GFI1: variants seen among roughly 807,000 people sequenced by gnomAD.
The protein encoded by GFI1 is growth factor independent 1 transcriptional repressor.
GFI1 carries 15 observed loss-of-function variants against 39.2 expected under a neutral mutation model. That is an observed-to-expected ratio of 0.38 (90% CI 0.26 to 0.59). The LOEUF is 0.59. Among genes scored for constraint, GFI1 ranks in the 20% least tolerant of loss-of-function variants. GFI1 has a pLI of 0.62. For synonymous variants in GFI1, 239 were observed against 254.3 expected, an observed-to-expected ratio of 0.94 and a Z score of 0.57; for missense variants, 475 against 574.0, an observed-to-expected ratio of 0.83 and a Z score of 1.76.
rs1160268765 is a variant in GFI1, at chr1:92,480,402, G to A, written c.870C>T (p.Gly290=). 1.3e-6 allele frequency: 2 copies of A among 1,550,408 alleles called. No homozygotes were observed. Among genetic ancestry groups the A allele is most frequent in the Non-Finnish European group, 1.7e-6 (2 of 1,146,682 alleles). ...GGCTCACCGCGTGCCCGAAGGTCTT[G>A]CCGCACATCTCGCAGGCAAAGGGTC... The part of the protein sequence containing the change: ...GTRPFACEMC[G]KTFGHAVSLE... Residue 290 remains glycine (G), a synonymous_variant, in exon 5 of 7, where the codon GGC becomes GGT. Coordinates refer to ENST00000294702, the MANE Select transcript of GFI1 (RefSeq NM_005263.5). The surrounding 1 kb of genome is among the most constrained non-coding windows in gnomAD (Gnocchi z 5.6).
intron 6 of GFI1, among the ~76,000 whole-genome samples, chr1:92,477,878 C>G (rs1658040495): frequency 6.6e-6 from 1 of 152,206 alleles, no homozygotes; most frequent in Admixed American, 6.5e-5. Context: ...CCTCATGACT[C>G]TGAACATAAA....
At chr1:92,485,129 C>G (rs1027893066) in intron 1 of GFI1, among the ~76,000 whole-genome samples, 3 of 152,336 alleles carry the variant, frequency 2.0e-5, no homozygotes, top group Admixed American at 6.5e-5. Flanking sequence ...AGAAAAGACG[C>G]CTGGGACGTG....
rs901564275 is a variant in GFI1, at chr1:92,481,272, G to A, written c.299-184C>T. Among the ~76,000 whole-genome samples, 1 of 152,234 alleles carries A rather than the reference G, an allele frequency of 6.6e-6. No individual in the cohort carries two copies. The highest frequency in any genetic ancestry group is 2.4e-5 in the African/African-American group (1 of 41,466). On this transcript the variant is annotated intron_variant, in intron 3 of 6. Transcript: ENST00000294702. The surrounding 1 kb of genome is among the most constrained non-coding windows in gnomAD (Gnocchi z 4.3). ...GTGGCCCGGGCCCTGGGGCCTCGCA[G>A]GCCACTATAGGAGGCAGAACAGTAA... is the stretch of plus-strand genomic sequence containing the variant.
chr1:92,483,687 CA>C (rs1293054107), intron 1 of GFI1, 101 bp from the exon 2 acceptor site: 2 of 631,036 alleles, frequency 3.2e-6, no homozygotes, highest in Non-Finnish European at 5.8e-6. Context: ...GGGAGGCGCG[CA>C]GAGGGCCCAC....
At chr1:92,483,314 G>T in intron 2 of GFI1, 59 bp downstream of exon 2, 1 of 940,346 alleles carries the variant, frequency 1.1e-6, no homozygotes, top group Non-Finnish European at 1.7e-6. Context: ...CTAATGGTGT[G>T]CCGAGGTGCA....
In GFI1 at chr1:92,480,302, A is replaced by T; in HGVS notation, c.924+46T>A. On this transcript the variant is annotated intron_variant, in intron 5 of 6. Coordinates refer to ENST00000294702, the MANE Select transcript of GFI1 (RefSeq NM_005263.5). The surrounding 1 kb of genome is among the most constrained non-coding windows in gnomAD (Gnocchi z 5.6). Reference sequence around the variant, plus strand: ...CTGGTGCTGCACCGAGGAGATGCAGAAGATCCCCGAGCAGGGCCGCGCGCG... The same window carrying T: ...CTGGTGCTGCACCGAGGAGATGCAGTAGATCCCCGAGCAGGGCCGCGCGCG... The T allele has an allele frequency of 6.5e-7, 1 of 1,534,612 alleles. No homozygotes were observed. The highest frequency in any genetic ancestry group is 2.5e-5 in the East Asian group (1 of 40,810).
chr1:92,486,600 G>T (rs542086278), intron 1 of GFI1, 126 bp downstream of exon 1: 184 of 148,870 alleles, frequency 1.2e-3, no homozygotes, highest in African/African-American at 4.4e-3. Context: ...CCGGCCCGCG[G>T]TGCCGCCGGC....
Position 92,482,880 on chromosome 1 carries a change from T to G in GFI1, c.282A>C (p.Ser94=), listed in dbSNP as rs756127881. 64 of 1,613,648 alleles carry G rather than the reference T, an allele frequency of 4.0e-5. No individual in the cohort carries two copies. Among genetic ancestry groups the G allele is most frequent in the Non-Finnish European group, 5.3e-5 (63 of 1,179,904 alleles). ...GGTTCCTACCTGGAGACGCGGAGGG[T>G]GACGGGGGCCTCCAGAAGTCCTCAA... ...SEFEDFWRPP[S]PSASPASEKS... Residue 94 remains serine (S), a synonymous_variant, in exon 3 of 7, where the codon TCA becomes TCC. Coordinates refer to ENST00000294702, the MANE Select transcript of GFI1 (RefSeq NM_005263.5). The surrounding 1 kb of genome is among the most constrained non-coding windows in gnomAD (Gnocchi z 4.4).
chr1:92,486,352 CGGACACTTA>C (rs1161028925), intron 1 of GFI1, among the ~76,000 whole-genome samples: 1 of 152,190 alleles, frequency 6.6e-6, no homozygotes, highest in East Asian at 1.9e-4. Context: ...ATTGGAGGTC[CGGACACTTA>C]GGCACTAGAA....
chr1:92,478,387 AC>A lies in GFI1; in HGVS notation c.1090+200del, dbSNP rs1482531350. On this transcript the variant is annotated intron_variant, in intron 6 of 6. Coordinates refer to ENST00000294702, the MANE Select transcript of GFI1 (RefSeq NM_005263.5). ...CCTGCTGAGTGGCCTTTCAGACACAACCCCAAATCAAGGTGGCTCTGGGGAG... is the reference window on the plus strand; with the variant it reads ...CCTGCTGAGTGGCCTTTCAGACACAACCCAAATCAAGGTGGCTCTGGGGAG... 2.0e-5 allele frequency among the ~76,000 whole-genome samples: 3 copies of A among 152,156 alleles called. No homozygotes were observed. The East Asian group carries it at 5.8e-4, about 29-fold the overall frequency.
At chr1:92,485,675 C>T (rs1459213445) in intron 1 of GFI1, among the ~76,000 whole-genome samples, 1 of 152,060 alleles carries the variant, frequency 6.6e-6, no homozygotes, top group African/African-American at 2.4e-5. Flanking sequence ...CCTCACCGTC[C>T]GGGCCCAGGA....
rs1571217712 is a variant in GFI1 at position 92,481,177 on chromosome 1, G to T, written c.299-89C>A. On this transcript the variant is annotated intron_variant, in intron 3 of 6. Coordinates refer to ENST00000294702, the MANE Select transcript of GFI1 (RefSeq NM_005263.5). This position sits in a 1 kb window ranked among gnomAD's most constrained non-coding sequence, Gnocchi z 4.3. ...GCGGCTGCGAGCGTGGCGTGTTCGC[G>T]GACTGCGGGGCACCCAGCGCTTGTA... 2 of 1,131,980 alleles carry T rather than the reference G, an allele frequency of 1.8e-6. No homozygotes were observed. The highest frequency in any genetic ancestry group is 1.3e-6 in the Non-Finnish European group (1 of 771,754). 70.1% of individuals were successfully genotyped at this position (1,131,980 alleles called of 1,614,324 possible). A position where few individuals can be genotyped will look rare whatever the true frequency, so the allele number is the denominator to read the frequency against.
chr1:92,483,401 T>C lies in GFI1; in HGVS notation c.87A>G (p.Leu29=). ...RSPGPDYSLR[L]ENVPAPSRAD... is the part of the protein sequence containing the mutation. The stretch of plus-strand genomic sequence containing the variant: ...CTCGGCTAGGCGCCGGTACATTCTC[T>C]AAACGGAGGGAATAGTCTGGTCCTG... Residue 29 remains leucine, a synonymous_variant, in exon 2 of 7, where the codon TTA becomes TTG. Coordinates refer to ENST00000294702, the MANE Select transcript of GFI1 (RefSeq NM_005263.5). 6.2e-7 allele frequency: 1 copy of C among 1,612,308 alleles called. No homozygotes were observed. The highest frequency in any genetic ancestry group is 8.5e-7 in the Non-Finnish European group (1 of 1,178,508).
Position 92,475,964 on chromosome 1 carries a change from G to C in GFI1, c.*65C>G, listed in dbSNP as rs1192049315. The C allele has an allele frequency of 1.2e-5, 18 of 1,467,862 alleles. No homozygotes were observed. The highest frequency in any genetic ancestry group is 1.6e-5 in the Non-Finnish European group (17 of 1,057,816). The allele number at this position is 1,467,862 out of a possible 1,614,324, so 90.9% of individuals were successfully genotyped here. A position where few individuals can be genotyped will look rare whatever the true frequency, so the allele number is the denominator to read the frequency against. On this transcript the variant is annotated 3_prime_UTR_variant, in exon 7 of 7. Coordinates refer to ENST00000294702, the MANE Select transcript of GFI1 (RefSeq NM_005263.5). ...GTGGAGGCAAGCAGGGAGCAGAGTG[G>C]TGGCAAGCAGGGAGGCTGCCCTCTG...
rs1391305912 is a variant in GFI1 at position 92,480,871 on chromosome 1, C to G, written c.516G>C (p.Arg172=). 1 of 1,460,152 alleles carries G rather than the reference C, an allele frequency of 6.8e-7. No homozygotes were observed. The highest frequency in any genetic ancestry group is 9.0e-7 in the Non-Finnish European group (1 of 1,111,904). 90.4% of individuals were successfully genotyped at this position (1,460,152 alleles called of 1,614,324 possible). Residue 172 remains arginine, a synonymous_variant, in exon 4 of 7, where the codon CGG becomes CGC. Coordinates refer to ENST00000294702, the MANE Select transcript of GFI1 (RefSeq NM_005263.5). The surrounding 1 kb of genome is among the most constrained non-coding windows in gnomAD (Gnocchi z 5.6). The part of the protein sequence containing the change: ...GHPAALYGPK[R]AAGGAGAGAP... ...CCCCGGCCCCCGCGCCGCCGGCAGC[C>G]CGCTTCGGGCCGTACAGCGCGGCCG...
chr1:92,476,430 G>A (rs1164460689), intron 6 of GFI1, among the ~76,000 whole-genome samples: 1 of 152,186 alleles, frequency 6.6e-6, no homozygotes, highest in Non-Finnish European at 1.5e-5. Context: ...ACTTTCTGAA[G>A]GGGGGTTCCC....
At chr1:92,479,022 C>A (rs1301995089) in intron 5 of GFI1, among the ~76,000 whole-genome samples, 1 of 152,186 alleles carries the variant, frequency 6.6e-6, no homozygotes, top group Admixed American at 6.5e-5. Context: ...CACGCCATCA[C>A]ACCTGACTAA....
At chr1:92,486,096 G>C (rs1658515572) in intron 1 of GFI1, 1 of 148,438 alleles carries the variant, frequency 6.7e-6, no homozygotes, top group Admixed American at 6.7e-5. Flanking sequence ...CTATCTCTCT[G>C]ACTTAAAAAA....
Position 92,474,566 on chromosome 1 carries a change from A to G in GFI1, c.*1463T>C, listed in dbSNP as rs1571208185. On this transcript the variant is annotated 3_prime_UTR_variant, in exon 7 of 7. Coordinates refer to ENST00000294702, the MANE Select transcript of GFI1 (RefSeq NM_005263.5). ...GTTTTTCTCTTATGAAAGAAGATGA[A>G]AGAAGTATCTCTGAGGTGTAGCAGC... is the stretch of plus-strand genomic sequence containing the variant. 1.3e-5 allele frequency among the ~76,000 whole-genome samples: 2 copies of G among 152,212 alleles called. No individual in the cohort carries two copies. Among genetic ancestry groups the G allele is most frequent in the Admixed American group, 6.5e-5 (1 of 15,284 alleles).
Sources: allele counts gnomAD v4.1 joint callset (sites outside exome capture counted in the v4.1 genomes callset), GRCh38; gene constraint gnomAD v4.1.1; non-coding constraint Gnocchi (gnomAD v3.1); transcripts MANE v1.5; gene names NCBI Gene and HGNC (gene_info 2026-07-23, HGNC 2026-07-21).